LRTM2: variants seen among roughly 807,000 people sequenced by gnomAD.
LRTM2 encodes leucine-rich repeat and transmembrane domain-containing protein 2.
A neutral mutation model predicts 28.1 loss-of-function variants in LRTM2; 18 were observed. The observed-to-expected ratio is 0.64, with a 90% CI of 0.44 to 0.95. The LOEUF (loss-of-function observed/expected upper bound fraction) is 0.95, where lower values mean the gene tolerates loss of function less well. LRTM2 is among the 40% of genes least tolerant of loss of function. The probability of loss-of-function intolerance (pLI) is 0.00; values close to 1 mark genes in which losing one functional copy is unlikely to be tolerated. For synonymous variants in LRTM2, 250 were observed against 218.7 expected, an observed-to-expected ratio of 1.14 and a Z score of -1.26; for missense variants, 436 against 497.2, an observed-to-expected ratio of 0.88 and a Z score of 1.17.
At chr12:1,826,200 G>A (rs555899113) in intron 1 of LRTM2, among the ~76,000 whole-genome samples, 8 of 152,122 alleles carry the variant, frequency 5.3e-5, no homozygotes, top group Non-Finnish European at 1.2e-4. Flanking sequence ...GCTCAAGTCC[G>A]AGCTAGGAGC....
At position 1,829,150 on chromosome 12, in the gene LRTM2, C is replaced by T. The variant is rs2154446976; in HGVS notation, c.67+935C>T. Reference sequence around the variant, plus strand: ...CTTGTCACTGGAGCTTTTATGCCACCTTGATCTCCAGGGAGGTGGGGGGCG... The same window carrying T: ...CTTGTCACTGGAGCTTTTATGCCACTTTGATCTCCAGGGAGGTGGGGGGCG... On this transcript the variant is annotated intron_variant, in intron 3 of 4. Transcript: ENST00000299194. The surrounding 1 kb of genome is among the most constrained non-coding windows in gnomAD (Gnocchi z 4.2). 6.6e-6 allele frequency among the ~76,000 whole-genome samples: 1 copy of T among 152,246 alleles called. No individual in the cohort carries two copies. The highest frequency in any genetic ancestry group is 2.1e-4 in the South Asian group (1 of 4,830).
intron 1 of LRTM2, among the ~76,000 whole-genome samples, chr12:1,821,755 G>C (rs1864112510): frequency 6.6e-6 from 1 of 152,158 alleles, no homozygotes; most frequent in African/African-American, 2.4e-5. Context: ...GGAGCAGCCT[G>C]ACCAGGAGTC....
chr12:1,826,581 A>T (rs1335267666), intron 1 of LRTM2, among the ~76,000 whole-genome samples: 1 of 152,216 alleles, frequency 6.6e-6, no homozygotes, highest in Non-Finnish European at 1.5e-5. Flanking sequence ...ATCTGTGCCC[A>T]GTCTTGTGAC....
At position 1,829,947 on chromosome 12, in the gene LRTM2, G is replaced by A. The variant is rs1864545261; in HGVS notation, c.68-988G>A. Among the ~76,000 whole-genome samples, 1 of 152,156 alleles carries A rather than the reference G, an allele frequency of 6.6e-6. No homozygotes were observed. Among genetic ancestry groups the A allele is most frequent in the South Asian group, 2.1e-4 (1 of 4,834 alleles). ...GGTTTTTGAGGCCACTATTGGAAAG[G>A]GCTGCTGCATAATGGAAGGCACTGC... On this transcript the variant is annotated intron_variant, in intron 3 of 4. Transcript: ENST00000299194. The surrounding 1 kb of genome is among the most constrained non-coding windows in gnomAD (Gnocchi z 4.2).
chr12:1,830,849 G>C, intron 3 of LRTM2, 86 bp from the exon 4 acceptor site: 1 of 1,149,778 alleles, frequency 8.7e-7, no homozygotes, highest in Non-Finnish European at 1.2e-6. Flanking sequence ...CCAAGAGCCT[G>C]TTATGAGCTA....
At position 1,828,349 on chromosome 12, in the gene LRTM2, C is replaced by CGA; in HGVS notation, c.67+136_67+137dup. On this transcript the variant is annotated intron_variant, in intron 3 of 4. Coordinates refer to ENST00000299194, the MANE Select transcript of LRTM2 (RefSeq NM_001039029.3). This position sits in a 1 kb window ranked among gnomAD's most constrained non-coding sequence, Gnocchi z 4.2. Reference sequence around the variant, plus strand: ...CTACGCCAGATCTTCCTGGGGTACCCGAGGCTATGTTCTGGGAAGCCAGGG... The same window carrying CGA: ...CTACGCCAGATCTTCCTGGGGTACCCGAGAGGCTATGTTCTGGGAAGCCAGGG... 1.4e-6 allele frequency: 1 copy of CGA among 728,764 alleles called. No individual in the cohort carries two copies. Among genetic ancestry groups the CGA allele is most frequent in the South Asian group, 2.3e-5 (1 of 44,094 alleles). 45.1% of individuals were successfully genotyped at this position (728,764 alleles called of 1,614,324 possible). A position where few individuals can be genotyped will look rare whatever the true frequency, so the allele number is the denominator to read the frequency against.
Position 1,828,926 on chromosome 12 carries a change from T to C in LRTM2, c.67+711T>C, listed in dbSNP as rs113328640. 2.4e-4 allele frequency among the ~76,000 whole-genome samples: 36 copies of C among 152,362 alleles called. No homozygotes were observed. Among genetic ancestry groups the C allele is most frequent in the African/African-American group, 8.4e-4 (35 of 41,596 alleles). ...GGGACCAGGTCAGCAAGGGCTGGTC[T>C]GCCCAAGGCTACACGGTGGCAGGGA... On this transcript the variant is annotated intron_variant, in intron 3 of 4. Transcript: ENST00000299194. This position sits in a 1 kb window ranked among gnomAD's most constrained non-coding sequence, Gnocchi z 4.2.
intron 4 of LRTM2, among the ~76,000 whole-genome samples, chr12:1,831,851 G>T (rs1864649989): frequency 6.6e-6 from 1 of 151,852 alleles, no homozygotes; most frequent in African/African-American, 2.4e-5. Context: ...TTACATAAGG[G>T]CAGTAAAGAC....
chr12:1,832,966 G>A (rs1305760498), intron 4 of LRTM2, among the ~76,000 whole-genome samples: 3 of 152,180 alleles, frequency 2.0e-5, no homozygotes, highest in Admixed American at 6.5e-5. Flanking sequence ...GCACTGATAC[G>A]TGTTCCTGGG....
intron 3 of LRTM2, 151 bp from the exon 4 acceptor site, chr12:1,830,784 A>T: frequency 1.5e-6 from 1 of 655,518 alleles, no homozygotes; most frequent in Non-Finnish European, 2.6e-6. Context: ...TTATGCTTTT[A>T]TGTGGTTAAT....
chr12:1,833,370 G>A lies in LRTM2; in HGVS notation c.659-897G>A, dbSNP rs1864714985. Among the ~76,000 whole-genome samples the A allele has an allele frequency of 6.6e-6, 1 of 152,140 alleles. No individual in the cohort carries two copies. The highest frequency in any genetic ancestry group is 6.5e-5 in the Admixed American group (1 of 15,282). ...AGAATCCAACTTTCACTTCCTAGGG[G>A]AGGTCTAGACAGATTATTGTCCTCA... On this transcript the variant is annotated intron_variant, in intron 4 of 4. Coordinates refer to ENST00000299194, the MANE Select transcript of LRTM2 (RefSeq NM_001039029.3). This position sits in a 1 kb window ranked among gnomAD's most constrained non-coding sequence, Gnocchi z 4.2.
chr12:1,830,409 C>T (rs2154447065), intron 3 of LRTM2, among the ~76,000 whole-genome samples: 1 of 152,368 alleles, frequency 6.6e-6, no homozygotes, highest in East Asian at 1.9e-4. Flanking sequence ...ATACACAGCT[C>T]CAGAGTTGGG....
At chr12:1,824,075 CA>C (rs1303995651) in intron 1 of LRTM2, among the ~76,000 whole-genome samples, 19 of 152,274 alleles carry the variant, frequency 1.2e-4, no homozygotes, top group African/African-American at 3.9e-4. Context: ...AGAGTTGTTA[CA>C]AGGATTCAGA....
intron 1 of LRTM2, among the ~76,000 whole-genome samples, chr12:1,825,795 G>C (rs1463454000): frequency 3.9e-5 from 6 of 152,084 alleles, no homozygotes; most frequent in Non-Finnish European, 8.8e-5. Flanking sequence ...AGTCGCCAGG[G>C]AGTGATGAGC....
At position 1,832,411 on chromosome 12, in the gene LRTM2, G is replaced by A. The variant is rs560588680; in HGVS notation, c.658+886G>A. Among the ~76,000 whole-genome samples the A allele has an allele frequency of 1.6e-4, 24 of 152,334 alleles. No homozygotes were observed. In the East Asian group the frequency reaches 4.0e-3, roughly 26 times the overall value. On this transcript the variant is annotated intron_variant, in intron 4 of 4. Coordinates refer to ENST00000299194, the MANE Select transcript of LRTM2 (RefSeq NM_001039029.3). ...GCACAAAGTGAGTCCTCAATAAAAC[G>A]TCCATTTATCCGTTCACTTCCTGGT...
In LRTM2 at chr12:1,835,097, C is replaced by A; in HGVS notation, c.*376C>A. The A allele has an allele frequency of 4.7e-6, 1 of 210,702 alleles. No individual in the cohort carries two copies. Among genetic ancestry groups the A allele is most frequent in the Non-Finnish European group, 9.5e-6 (1 of 104,928 alleles). 13.1% of individuals were successfully genotyped at this position (210,702 alleles called of 1,614,324 possible). A position where few individuals can be genotyped will look rare whatever the true frequency, so the allele number is the denominator to read the frequency against. On this transcript the variant is annotated 3_prime_UTR_variant, in exon 5 of 5. Coordinates refer to ENST00000299194, the MANE Select transcript of LRTM2 (RefSeq NM_001039029.3). ...GGTGACTCTTCCTACCTTGCTGGTC[C>A]CACCTCACCTGCATTGAGGGGACGG...
At position 1,829,552 on chromosome 12, in the gene LRTM2, T is replaced by G. The variant is rs1864523522; in HGVS notation, c.67+1337T>G. 6.6e-6 allele frequency among the ~76,000 whole-genome samples: 1 copy of G among 152,020 alleles called. No individual in the cohort carries two copies. Among genetic ancestry groups the G allele is most frequent in the South Asian group, 2.1e-4 (1 of 4,820 alleles). Reference sequence around the variant, plus strand: ...GGGCCAGATCTAGCCACGTGTCAGCTCTCAGCTGTCATCGATCCTCCAGGC... The same window carrying G: ...GGGCCAGATCTAGCCACGTGTCAGCGCTCAGCTGTCATCGATCCTCCAGGC... On this transcript the variant is annotated intron_variant, in intron 3 of 4. Coordinates refer to ENST00000299194, the MANE Select transcript of LRTM2 (RefSeq NM_001039029.3). The surrounding 1 kb of genome is among the most constrained non-coding windows in gnomAD (Gnocchi z 4.2).
In LRTM2 at chr12:1,829,035, T is replaced by G. The variant is rs924740323; in HGVS notation, c.67+820T>G. ...CACGGGCAGCCTGAATTATTCACCA[T>G]GTGAGAGAGGCTGGCCCCTGAGTGA... On this transcript the variant is annotated intron_variant, in intron 3 of 4. Coordinates refer to ENST00000299194, the MANE Select transcript of LRTM2 (RefSeq NM_001039029.3). This position sits in a 1 kb window ranked among gnomAD's most constrained non-coding sequence, Gnocchi z 4.2. Among the ~76,000 whole-genome samples, 1 of 152,244 alleles carries G rather than the reference T, an allele frequency of 6.6e-6. No homozygotes were observed. The highest frequency in any genetic ancestry group is 1.5e-5 in the Non-Finnish European group (1 of 68,038).
At position 1,829,581 on chromosome 12, in the gene LRTM2, G is replaced by C. The variant is rs1392489640; in HGVS notation, c.68-1354G>C. ...AGCTGTCATCGATCCTCCAGGCAGG[G>C]AAGGGGAGAGTCTCATCCTGTTCCT... On this transcript the variant is annotated intron_variant, in intron 3 of 4. Coordinates refer to ENST00000299194, the MANE Select transcript of LRTM2 (RefSeq NM_001039029.3). The surrounding 1 kb of genome is among the most constrained non-coding windows in gnomAD (Gnocchi z 4.2). Among the ~76,000 whole-genome samples the C allele has an allele frequency of 6.6e-6, 1 of 152,068 alleles. No individual in the cohort carries two copies. Among genetic ancestry groups the C allele is most frequent in the Non-Finnish European group, 1.5e-5 (1 of 68,010 alleles).
Sources: allele counts gnomAD v4.1 joint callset (sites outside exome capture counted in the v4.1 genomes callset), GRCh38; gene constraint gnomAD v4.1.1; non-coding constraint Gnocchi (gnomAD v3.1); transcripts MANE v1.5; gene names NCBI Gene and HGNC (gene_info 2026-07-23, HGNC 2026-07-21).